The following COL15A1 variants were observed in gnomAD, a reference collection of about 807,000 sequenced individuals.
COL15A1 encodes collagen alpha-1(XV) chain.
In COL15A1, 111 loss-of-function variants were observed where a neutral mutation model predicts 165.9. The ratio of observed to expected loss-of-function variants is 0.67; its 90% CI spans 0.57 to 0.78. COL15A1 has a LOEUF of 0.78. Among genes scored for constraint, COL15A1 ranks in the 30% least tolerant of loss-of-function variants. The pLI is 0.00. For missense variants in COL15A1, 1,745 were observed against 1,789.7 expected (o/e 0.98, Z 0.45); for synonymous variants, 659 against 674.8 (o/e 0.98, Z 0.36).
intron 2 of COL15A1, among the ~76,000 whole-genome samples, chr9:98,964,030 A>T (rs2118811194): frequency 6.6e-6 from 1 of 152,372 alleles, no homozygotes; most frequent in East Asian, 1.9e-4. Context: ...CTATTTCCAG[A>T]TAAGGAAGCT....
intron 2 of COL15A1, among the ~76,000 whole-genome samples, chr9:98,970,167 T>C (rs2118834279): frequency 6.6e-6 from 1 of 152,252 alleles, no homozygotes; most frequent in South Asian, 2.1e-4. Context: ...ACAGGAACTA[T>C]TGCCCATTCA....
At chr9:98,991,162 T>C (rs1050042048) in intron 5 of COL15A1, among the ~76,000 whole-genome samples, 2 of 152,174 alleles carry the variant, frequency 1.3e-5, no homozygotes, top group Non-Finnish European at 2.9e-5. Context: ...GCGATATTTA[T>C]TGCAAAGAGC....
At chr9:99,016,386 G>A (rs1485465404) in intron 11 of COL15A1, among the ~76,000 whole-genome samples, 2 of 152,210 alleles carry the variant, frequency 1.3e-5, no homozygotes, top group East Asian at 1.9e-4. Context: ...CTAACAGTCA[G>A]TGTTCTTCTG....
intron 36 of COL15A1, among the ~76,000 whole-genome samples, 169 bp downstream of exon 36, chr9:99,060,122 C>T (rs1395095030): frequency 6.9e-6 from 1 of 144,238 alleles, no homozygotes; most frequent in African/African-American, 2.7e-5. Context: ...ATTTGGATGA[C>T]TTATTAAGTA....
At chr9:99,066,828 G>T in intron 39 of COL15A1, 54 bp from the exon 40 acceptor site, 3 of 1,519,416 alleles carry the variant, frequency 2.0e-6, no homozygotes, top group Non-Finnish European at 1.8e-6. Flanking sequence ...ATGGTTCTGG[G>T]GGCTGGAGTT....
intron 39 of COL15A1, among the ~76,000 whole-genome samples, chr9:99,064,370 A>G (rs1825862613): frequency 6.6e-6 from 1 of 152,142 alleles, no homozygotes; most frequent in African/African-American, 2.4e-5. Context: ...GGCATTTTCT[A>G]TTGTGCTGCT....
intron 2 of COL15A1, among the ~76,000 whole-genome samples, chr9:98,965,544 A>T (rs1837942265): frequency 6.6e-6 from 1 of 151,668 alleles, no homozygotes; most frequent in South Asian, 2.1e-4. Flanking sequence ...TGGATCCATA[A>T]TTCTCTCCTT....
Position 99,007,722 on chromosome 9 carries a change from T to C in COL15A1, c.1353+2672T>C, listed in dbSNP as rs1838787530. On this transcript the variant is annotated intron_variant, in intron 9 of 41. Transcript: ENST00000375001. ...TTATTATGTAAATAGGTTGCTGTTA[T>C]TTTCCTCTGAAGTTTAAGTTGTCTA... 3.3e-5 allele frequency among the ~76,000 whole-genome samples: 5 copies of C among 152,238 alleles called. No homozygotes were observed. The South Asian group carries it at 1.0e-3, about 31-fold the overall frequency.
In COL15A1 at chr9:99,025,965, A is replaced by G. The variant is rs140757478; in HGVS notation, c.2042A>G (p.Lys681Arg). Residue 681 changes from lysine to arginine, a missense_variant and splice_region_variant, in exon 16 of 42, where the codon AAG becomes AGG. Physicochemically the swap from Lys to Arg is conservative, Grantham distance 26. Transcript: ENST00000375001. ...ATGLPGMKGE[K>R]GARGPNGSVG... is the part of the protein sequence containing the mutation. The stretch of plus-strand genomic sequence containing the variant: ...GGCCTTCCCGGGATGAAAGGGGAGA[A>G]GGTACGGGGAACACGGGAGGGTCCC... 1 of 1,610,650 alleles carries G rather than the reference A, an allele frequency of 6.2e-7. No individual in the cohort carries two copies. The highest frequency in any genetic ancestry group is 8.5e-7 in the Non-Finnish European group (1 of 1,178,486).
intron 2 of COL15A1, among the ~76,000 whole-genome samples, chr9:98,953,176 A>G (rs1476365479): frequency 6.6e-6 from 1 of 152,218 alleles, no homozygotes. Flanking sequence ...AAGACCTCAA[A>G]GTCAGAGCAT....
intron 23 of COL15A1, among the ~76,000 whole-genome samples, chr9:99,041,821 A>C (rs1588529678): frequency 1.3e-5 from 2 of 152,358 alleles, no homozygotes; most frequent in Non-Finnish European, 2.9e-5. Flanking sequence ...TGTTCAAAAA[A>C]GTGTGAAGCC....
At chr9:98,945,185 G>T (rs1458688292) in intron 2 of COL15A1, among the ~76,000 whole-genome samples, 1 of 152,200 alleles carries the variant, frequency 6.6e-6, no homozygotes, top group African/African-American at 2.4e-5. Context: ...AGCAATGCAA[G>T]TATTTTTATT....
At position 99,070,585 on chromosome 9, in the gene COL15A1, C is replaced by G; in HGVS notation, c.*699C>G. The G allele has an allele frequency of 2.3e-6, 1 of 436,748 alleles. No homozygotes were observed. Among genetic ancestry groups the G allele is most frequent in the Non-Finnish European group, 4.5e-6 (1 of 220,040 alleles). The allele number at this position is 436,748 out of a possible 1,614,324, so 27.1% of individuals were successfully genotyped here. A position where few individuals can be genotyped will look rare whatever the true frequency, so the allele number is the denominator to read the frequency against. ...AAAAGAAATAGCACATAATTACTAC[C>G]TTCCCCTTGGCGGCTCTCCTCCCCA... On this transcript the variant is annotated 3_prime_UTR_variant, in exon 42 of 42. Coordinates refer to ENST00000375001, the MANE Select transcript of COL15A1 (RefSeq NM_001855.5).
At chr9:99,067,129 C>G in intron 40 of COL15A1, 62 bp downstream of exon 40, 1 of 1,390,102 alleles carries the variant, frequency 7.2e-7, no homozygotes, top group Non-Finnish European at 9.9e-7. Flanking sequence ...GGCCTGGAGG[C>G]AGTTTTCATT....
intron 5 of COL15A1, among the ~76,000 whole-genome samples, chr9:98,996,723 G>A (rs1838550535): frequency 6.6e-6 from 1 of 152,228 alleles, no homozygotes; most frequent in Non-Finnish European, 1.5e-5. Context: ...TCACTGTCAA[G>A]TGAACAGAAT....
intron 2 of COL15A1, among the ~76,000 whole-genome samples, chr9:98,982,118 A>T (rs1033636571): frequency 6.6e-6 from 1 of 151,794 alleles, no homozygotes; most frequent in African/African-American, 2.4e-5. Flanking sequence ...AAAATTTTAA[A>T]AAATGATATA....
chr9:99,047,152 T>A (rs111615242), intron 26 of COL15A1, among the ~76,000 whole-genome samples: 23 of 152,216 alleles, frequency 1.5e-4, no homozygotes, highest in African/African-American at 5.3e-4. Context: ...ATCCCAGACA[T>A]TAGAAGGCAG....
At chr9:99,034,614 A>T in intron 17 of COL15A1, 30 bp downstream of exon 17, 10 of 1,352,854 alleles carry the variant, frequency 7.4e-6, no homozygotes, top group East Asian at 3.0e-5. Flanking sequence ...AAAAAAAAAA[A>T]GAACTTTCTT....
At chr9:98,945,399 C>T (rs1014817849) in intron 2 of COL15A1, among the ~76,000 whole-genome samples, 15 of 152,190 alleles carry the variant, frequency 9.9e-5, no homozygotes, top group African/African-American at 3.6e-4. Flanking sequence ...AGCTCTTTCT[C>T]CATGCAGTTT....
Sources: allele counts gnomAD v4.1 joint callset (sites outside exome capture counted in the v4.1 genomes callset), GRCh38; gene constraint gnomAD v4.1.1; transcripts MANE v1.5; gene names NCBI Gene and HGNC (gene_info 2026-07-23, HGNC 2026-07-21).